The following LRRTM4 variants were observed in gnomAD, a reference collection of about 807,000 sequenced individuals.
LRRTM4 encodes leucine rich repeat transmembrane neuronal 4.
LRRTM4 carries 25 observed loss-of-function variants against 47.6 expected under a neutral mutation model. The observed-to-expected ratio is 0.53, with a 90% confidence interval of 0.38 to 0.73. The LOEUF (loss-of-function observed/expected upper bound fraction) is 0.73. Among genes scored for constraint, LRRTM4 ranks in the 30% least tolerant of loss-of-function variants. LRRTM4 has a pLI of 0.00. For synonymous variants in LRRTM4, 311 were observed against 269.5 expected, an observed-to-expected ratio of 1.15 and a Z score of -1.51; for missense variants, 638 against 713.4, an observed-to-expected ratio of 0.89 and a Z score of 1.20.
chr2:77,146,418 A>G (rs1319383194), intron 3 of LRRTM4, among the ~76,000 whole-genome samples: 1 of 152,180 alleles, frequency 6.6e-6, no homozygotes, highest in Non-Finnish European at 1.5e-5. Flanking sequence ...CACTAGAAAT[A>G]TGATACTAGG....
chr2:76,784,983 A>C (rs1674594593), intron 3 of LRRTM4, among the ~76,000 whole-genome samples: 1 of 152,072 alleles, frequency 6.6e-6, no homozygotes, highest in African/African-American at 2.4e-5. Flanking sequence ...CCAATTTAGG[A>C]CTTTCATTTT....
chr2:77,204,706 G>C (rs1674072511), intron 3 of LRRTM4, among the ~76,000 whole-genome samples: 1 of 152,072 alleles, frequency 6.6e-6, no homozygotes. Context: ...TGATTGTGTG[G>C]TCTGTATATA....
chr2:77,352,572 G>A (rs1439045440), intron 3 of LRRTM4, among the ~76,000 whole-genome samples: 1 of 152,038 alleles, frequency 6.6e-6, no homozygotes, highest in Non-Finnish European at 1.5e-5. Flanking sequence ...GTTTTCATTT[G>A]AGGAGAGACC....
intron 3 of LRRTM4, among the ~76,000 whole-genome samples, chr2:76,842,343 A>C (rs1402642761): frequency 6.6e-6 from 1 of 152,200 alleles, no homozygotes; most frequent in Non-Finnish European, 1.5e-5. Context: ...CAGATAGTGG[A>C]AATTATCCTC....
chr2:77,137,492 A>G (rs1044676580), intron 3 of LRRTM4, among the ~76,000 whole-genome samples: 1 of 151,666 alleles, frequency 6.6e-6, no homozygotes, highest in African/African-American at 2.4e-5. Context: ...CATGGAAAGG[A>G]ACAATCAGTA....
At chr2:77,092,126 C>T (rs987269474) in intron 3 of LRRTM4, among the ~76,000 whole-genome samples, 2 of 152,180 alleles carry the variant, frequency 1.3e-5, no homozygotes, top group Non-Finnish European at 2.9e-5. Context: ...CTATTTTCTT[C>T]CTCATACCTG....
rs550971226 is a variant in LRRTM4 at position 77,420,043 on chromosome 2, T to C, written c.1551+98275A>G. 4.6e-5 allele frequency among the ~76,000 whole-genome samples: 7 copies of C among 152,276 alleles called. No homozygotes were observed. The East Asian group carries it at 9.7e-4, about 21-fold the overall frequency. ...AGGCTGGGATGAAGGTGTTGGCTGG[T>C]GTTTCTGTCATTAGAATTAACCCAA... On this transcript the variant is annotated intron_variant, in intron 3 of 3. Transcript: ENST00000409884.
At chr2:76,942,372 A>T (rs1401710320) in intron 3 of LRRTM4, among the ~76,000 whole-genome samples, 1 of 152,124 alleles carries the variant, frequency 6.6e-6, no homozygotes, top group Admixed American at 6.6e-5. Flanking sequence ...AACACATTTT[A>T]AAAGCATAGT....
intron 3 of LRRTM4, among the ~76,000 whole-genome samples, chr2:76,800,089 T>C (rs1365109841): frequency 2.0e-5 from 3 of 151,272 alleles, no homozygotes; most frequent in Non-Finnish European, 4.4e-5. Flanking sequence ...CTTCACAGAA[T>C]TGGAAAAAAC....
chr2:77,229,787 C>T (rs1674914416), intron 3 of LRRTM4, among the ~76,000 whole-genome samples: 1 of 152,074 alleles, frequency 6.6e-6, no homozygotes. Flanking sequence ...TTTCTTCTGC[C>T]TGAAATATTT....
At chr2:77,066,011 G>C (rs1679938378) in intron 3 of LRRTM4, among the ~76,000 whole-genome samples, 1 of 152,082 alleles carries the variant, frequency 6.6e-6, no homozygotes, top group Non-Finnish European at 1.5e-5. Context: ...AATCTCTATA[G>C]AGCAAATTCA....
chr2:76,844,572 A>G (rs1671784570), intron 3 of LRRTM4, among the ~76,000 whole-genome samples: 1 of 150,198 alleles, frequency 6.7e-6, no homozygotes, highest in Non-Finnish European at 1.5e-5. Flanking sequence ...ACTACTCTAT[A>G]ATGTAGTTTT....
rs145742475 is a variant in LRRTM4, at chr2:77,452,321, G to C, written c.1551+65997C>G. Among the ~76,000 whole-genome samples the C allele has an allele frequency of 5.5e-3, 845 of 152,272 alleles. 2 individuals are homozygous for C. The highest frequency in any genetic ancestry group is 8.4e-3 in the Non-Finnish European group (569 of 68,020). ...TGACAAACTCAGCATATATTTAGGT[G>C]GTGGAACCAACAGGACTTGCTGATG... On this transcript the variant is annotated intron_variant, in intron 3 of 3. Transcript: ENST00000409884.
chr2:77,127,222 T>A (rs974577610), intron 3 of LRRTM4, among the ~76,000 whole-genome samples: 7 of 152,216 alleles, frequency 4.6e-5, no homozygotes, highest in Non-Finnish European at 7.3e-5. Context: ...GCGTTAGTGC[T>A]TTCATAGGAT....
chr2:77,185,196 G>C (rs1442092139), intron 3 of LRRTM4, among the ~76,000 whole-genome samples: 2 of 152,142 alleles, frequency 1.3e-5, no homozygotes, highest in Non-Finnish European at 2.9e-5. Context: ...AAGCTTAGAA[G>C]ACACCCTGTA....
At chr2:77,083,783 CTTTTTTTTTTTT>C (rs386390525) in intron 3 of LRRTM4, among the ~76,000 whole-genome samples, 20 of 52,388 alleles carry the variant, frequency 3.8e-4, no homozygotes, top group South Asian at 1.4e-3. Context: ...ACTGGACACA[CTTTTTTTTTTTT>C]TTTTTTTTTT....
At chr2:76,760,047 AAT>A (rs1673195235) in intron 3 of LRRTM4, among the ~76,000 whole-genome samples, 1 of 152,168 alleles carries the variant, frequency 6.6e-6, no homozygotes, top group Non-Finnish European at 1.5e-5. Flanking sequence ...TGCTTCAATA[AAT>A]ATGTGCTATA....
chr2:76,816,796 C>G (rs753512706), intron 3 of LRRTM4, among the ~76,000 whole-genome samples: 12 of 119,996 alleles, frequency 1.0e-4, no homozygotes, highest in Non-Finnish European at 1.8e-5. Context: ...TATCTGAACA[C>G]TGCTTTTACT....
rs201421403 is a variant in LRRTM4 at position 77,299,365 on chromosome 2, G to GTA, written c.1551+218951_1551+218952dup. Among the ~76,000 whole-genome samples the GTA allele has an allele frequency of 3.2e-3, 474 of 150,380 alleles. 1 individual carries two copies. The highest frequency in any genetic ancestry group is 0.011 in the African/African-American group (446 of 40,990). ...TACGTATATATATGTATATATGTGTGTATATATATACGTATATATGTGTGT... is the reference window on the plus strand; with the variant it reads ...TACGTATATATATGTATATATGTGTGTATATATATATACGTATATATGTGTGT... On this transcript the variant is annotated intron_variant, in intron 3 of 3. Coordinates refer to ENST00000409884, the MANE Select transcript of LRRTM4 (RefSeq NM_001134745.3).
Sources: gnomAD v4.1 joint callset for allele counts (sites outside exome capture counted in the v4.1 genomes callset) on GRCh38, gnomAD v4.1.1 for gene constraint, MANE v1.5 for transcripts, NCBI Gene and HGNC (gene_info 2026-07-23, HGNC 2026-07-21) for gene names.